The following CDH4 variants were observed in gnomAD, a reference collection of about 807,000 sequenced individuals.
CDH4 encodes the protein cadherin-4.
Under a neutral mutation model 86.0 loss-of-function variants are expected in CDH4, and 33 were observed. The observed-to-expected ratio is 0.38, with a 90% CI of 0.29 to 0.51. The LOEUF is 0.51. CDH4 is among the 20% of genes least tolerant of loss of function. CDH4 has a pLI of 0.86. For synonymous variants in CDH4, 555 were observed against 549.4 expected (o/e 1.01, Z -0.14); for missense variants, 1,114 against 1,307.4 (o/e 0.85, Z 2.28).
intron 2 of CDH4, among the ~76,000 whole-genome samples, chr20:61,659,243 G>A (rs1350510785): frequency 6.6e-6 from 1 of 152,166 alleles, no homozygotes; most frequent in African/African-American, 2.4e-5. Flanking sequence ...TTGTACATCG[G>A]GTTAGTGTAG....
At position 61,863,482 on chromosome 20, in the gene CDH4, C is replaced by A. The variant is rs181923208; in HGVS notation, c.878-10246C>A. 5.8e-3 allele frequency among the ~76,000 whole-genome samples: 876 copies of A among 152,298 alleles called. 4 individuals carry two copies. Among genetic ancestry groups the A allele is most frequent in the Non-Finnish European group, 9.2e-3 (626 of 68,022 alleles). On this transcript the variant is annotated intron_variant, in intron 6 of 15. Transcript: ENST00000614565. Reference sequence around the variant, plus strand: ...GTTAGCGCAGATGCCACTGGGTGACCGTTCCTCGGCAGAGGGCACAGGTGA... The same window carrying A: ...GTTAGCGCAGATGCCACTGGGTGACAGTTCCTCGGCAGAGGGCACAGGTGA...
At chr20:61,838,207 G>A (rs1294506854) in intron 4 of CDH4, among the ~76,000 whole-genome samples, 27 of 151,950 alleles carry the variant, frequency 1.8e-4, no homozygotes, top group Non-Finnish European at 7.4e-5. Flanking sequence ...CATTTCACTT[G>A]TTTGTCCAGG....
intron 3 of CDH4, among the ~76,000 whole-genome samples, chr20:61,744,466 GAGAGAGAT>G (rs2088386937): frequency 1.4e-4 from 5 of 36,928 alleles, no homozygotes; most frequent in African/African-American, 6.0e-4. Context: ...GAGAAGGAGG[GAGAGAGAT>G]GGAGAGAGGT....
At chr20:61,286,415 G>C (rs1224616106) in intron 2 of CDH4, among the ~76,000 whole-genome samples, 1 of 152,184 alleles carries the variant, frequency 6.6e-6, no homozygotes, top group Non-Finnish European at 1.5e-5. Context: ...GTGACCCCAT[G>C]GAACCTGCCA....
intron 13 of CDH4, 28 bp downstream of exon 13, chr20:61,929,870 C>A: frequency 6.3e-7 from 1 of 1,587,296 alleles, no homozygotes; most frequent in Non-Finnish European, 8.6e-7. Flanking sequence ...CCAGGGTGGG[C>A]AGGGGCATTG....
At chr20:61,662,036 A>G (rs1199807332) in intron 2 of CDH4, among the ~76,000 whole-genome samples, 1 of 152,118 alleles carries the variant, frequency 6.6e-6, no homozygotes, top group East Asian at 1.9e-4. Flanking sequence ...GTGTGTTGGA[A>G]TGTCACATCC....
intron 2 of CDH4, among the ~76,000 whole-genome samples, chr20:61,273,726 TTTTGGGGAAGTACCATGGGCAG>T (rs2084202212): frequency 1.1e-5 from 1 of 92,108 alleles, no homozygotes; most frequent in Non-Finnish European, 2.2e-5. Context: ...ACCATGGGCA[TTTTGGGGAAGTACCATGGGCAG>T]TTTGGGGGAG....
chr20:61,783,346 T>G (rs1348563791), intron 4 of CDH4, among the ~76,000 whole-genome samples: 1 of 152,244 alleles, frequency 6.6e-6, no homozygotes, highest in African/African-American at 2.4e-5. Flanking sequence ...CAACCTTTCC[T>G]TAATATGTAC....
In CDH4 at chr20:61,692,585, C is replaced by G. The variant is rs6061747; in HGVS notation, c.170-50978C>G. ...ATTTTGTGCCACGTTTCCTAATAAG[C>G]ATTTATTAATTGGACCAGGAAATTT... On this transcript the variant is annotated intron_variant, in intron 2 of 15. Coordinates refer to ENST00000614565, the MANE Select transcript of CDH4 (RefSeq NM_001794.5). Among the ~76,000 whole-genome samples the G allele has an allele frequency of 1.2e-3, 178 of 152,290 alleles. 1 individual carries two copies. The highest frequency in any genetic ancestry group is 4.1e-3 in the African/African-American group (170 of 41,560).
chr20:61,509,417 GAGAC>G (rs747578357), intron 2 of CDH4, among the ~76,000 whole-genome samples: 9 of 150,974 alleles, frequency 6.0e-5, no homozygotes, highest in Non-Finnish European at 7.4e-5. Context: ...TGTGAGCTGT[GAGAC>G]AGGCATCAGT....
chr20:61,770,366 T>C (rs896257802), intron 3 of CDH4, among the ~76,000 whole-genome samples: 3 of 152,242 alleles, frequency 2.0e-5, no homozygotes, highest in African/African-American at 7.2e-5. Context: ...TGCCTTGGGC[T>C]GCCCTGGTGC....
At chr20:61,361,967 C>T (rs1052081309) in intron 2 of CDH4, among the ~76,000 whole-genome samples, 6 of 152,210 alleles carry the variant, frequency 3.9e-5, no homozygotes, top group Admixed American at 2.0e-4. Flanking sequence ...TCTGCCATCC[C>T]GGAGCCCACA....
chr20:61,731,940 C>T (rs1747005585), intron 2 of CDH4, among the ~76,000 whole-genome samples: 1 of 152,112 alleles, frequency 6.6e-6, no homozygotes, highest in Non-Finnish European at 1.5e-5. Context: ...CACGGTCCCC[C>T]TACCCACCCA....
chr20:61,777,877 C>CAAA (rs1416861305), intron 4 of CDH4, among the ~76,000 whole-genome samples: 1 of 151,060 alleles, frequency 6.6e-6, no homozygotes, highest in Non-Finnish European at 1.5e-5. Flanking sequence ...CACGTGCATA[C>CAAA]TATACACACA....
chr20:61,923,323 A>G, intron 9 of CDH4, 128 bp from the exon 10 acceptor site: 1 of 919,346 alleles, frequency 1.1e-6, no homozygotes, highest in Non-Finnish European at 1.7e-6. Context: ...TCCTGGCTAA[A>G]GAGCAGAGCA....
Position 61,821,790 on chromosome 20 carries a change from A to G in CDH4, c.577-22878A>G, listed in dbSNP as rs376581254. ...TGTAATCCAGCTCAATTTTACAACCATTTCCCAGGCACCTGGATGGCCTGG... is the reference window on the plus strand; with the variant it reads ...TGTAATCCAGCTCAATTTTACAACCGTTTCCCAGGCACCTGGATGGCCTGG... On this transcript the variant is annotated intron_variant, in intron 4 of 15. Coordinates refer to ENST00000614565, the MANE Select transcript of CDH4 (RefSeq NM_001794.5). Among the ~76,000 whole-genome samples the G allele has an allele frequency of 3.7e-4, 56 of 152,330 alleles. No homozygotes were observed. The South Asian group carries it at 0.011, about 30-fold the overall frequency.
chr20:61,720,480 C>CAGGGGTGT (rs1392395237), intron 2 of CDH4, among the ~76,000 whole-genome samples: 11 of 110,654 alleles, frequency 9.9e-5, no homozygotes, highest in Non-Finnish European at 1.6e-4. Flanking sequence ...GTGGAGAATG[C>CAGGGGTGT]AGGGGTGTAG....
At chr20:61,679,565 C>G (rs2087485796) in intron 2 of CDH4, among the ~76,000 whole-genome samples, 1 of 152,182 alleles carries the variant, frequency 6.6e-6, no homozygotes, top group African/African-American at 2.4e-5. Context: ...AAGCCACTAG[C>G]TGCTGGGGAT....
chr20:61,851,981 G>A (rs1241607260), intron 5 of CDH4, among the ~76,000 whole-genome samples: 1 of 152,216 alleles, frequency 6.6e-6, no homozygotes, highest in Non-Finnish European at 1.5e-5. Flanking sequence ...ATGAGTGAAA[G>A]AACAAATCCA....
Sources: allele counts gnomAD v4.1 joint callset (sites outside exome capture counted in the v4.1 genomes callset), GRCh38; gene constraint gnomAD v4.1.1; transcripts MANE v1.5; gene names NCBI Gene and HGNC (gene_info 2026-07-23, HGNC 2026-07-21).